KIAA1549: variants seen among roughly 807,000 people sequenced by gnomAD.
The protein encoded by KIAA1549 is UPF0606 protein KIAA1549.
In KIAA1549, 70 loss-of-function variants were observed where a neutral mutation model predicts 156.4. The ratio of observed to expected loss-of-function variants is 0.45; its 90% confidence interval spans 0.37 to 0.55. The LOEUF (loss-of-function observed/expected upper bound fraction) is 0.55, where lower values mean the gene tolerates loss of function less well. Among genes scored for constraint, KIAA1549 ranks in the 20% least tolerant of loss-of-function variants. The pLI, the probability that KIAA1549 is intolerant of heterozygous loss-of-function variation, is 0.00. For missense variants in KIAA1549, 2,428 were observed against 2,540.9 expected (o/e 0.96, Z 0.96); for synonymous variants, 1,103 against 1,066.4 (o/e 1.03, Z -0.67).
rs557851564 is a variant in KIAA1549 at position 138,837,944 on chromosome 7, A to C, written c.5815T>G (p.Ser1939Ala). 113 of 1,613,862 alleles carry C rather than the reference A, an allele frequency of 7.0e-5. 1 individual carries two copies. In the South Asian group the frequency reaches 1.2e-3, roughly 17 times the overall value. The change falls in exon 20 of 20, where the codon TCC (serine) becomes GCC (alanine). Residue 1939 changes from serine to alanine, a missense_variant. By Grantham distance (99) the Ser-to-Ala change is moderately conservative (BLOSUM62 1). This residue lies in a region of KIAA1549 where 363 missense variants were observed against 354.0 expected (regional missense o/e 1.03). Coordinates refer to ENST00000422774, the MANE Select transcript of KIAA1549 (RefSeq NM_001164665.2). ...KAIREELLRLSQKQSTVQNFH... is the reference protein window; with the variant it reads ...KAIREELLRLAQKQSTVQNFH... ...TTCTGCACGGTGCTCTGTTTCTGGGAGAGCCGGAGGAGCTCCTCGCGGATT... is the reference window on the plus strand; with the variant it reads ...TTCTGCACGGTGCTCTGTTTCTGGGCGAGCCGGAGGAGCTCCTCGCGGATT...
At chr7:138,948,718 G>A (rs1315494071) in intron 1 of KIAA1549, among the ~76,000 whole-genome samples, 1 of 144,708 alleles carries the variant, frequency 6.9e-6, no homozygotes, top group Non-Finnish European at 1.5e-5. Flanking sequence ...TTGAGATAGA[G>A]TTTCGCTCTC....
At chr7:138,869,130 G>C (rs1810844051) in intron 14 of KIAA1549, among the ~76,000 whole-genome samples, 2 of 152,236 alleles carry the variant, frequency 1.3e-5, no homozygotes, top group African/African-American at 2.4e-5. Context: ...GGCTCCGGGA[G>C]ATGAAAATAT....
intron 1 of KIAA1549, among the ~76,000 whole-genome samples, chr7:138,940,516 T>C (rs1269120898): frequency 6.6e-6 from 1 of 151,578 alleles, no homozygotes; most frequent in African/African-American, 2.4e-5. Context: ...TTATAATCCT[T>C]TGGGTATATA....
intron 4 of KIAA1549, among the ~76,000 whole-genome samples, chr7:138,910,725 A>C (rs946909204): frequency 6.0e-5 from 4 of 66,832 alleles, no homozygotes; most frequent in African/African-American, 3.4e-4. Flanking sequence ...TTTTTTGTAG[A>C]GACAGGGTTT....
intron 12 of KIAA1549, among the ~76,000 whole-genome samples, chr7:138,878,785 T>C (rs999332962): frequency 1.5e-5 from 2 of 130,050 alleles, no homozygotes; most frequent in Admixed American, 7.7e-5. Context: ...AATAATAATA[T>C]TCTGAGGCCT....
intron 10 of KIAA1549, among the ~76,000 whole-genome samples, chr7:138,885,696 T>G (rs1811370490): frequency 6.6e-6 from 1 of 152,222 alleles, no homozygotes; most frequent in South Asian, 2.1e-4. Flanking sequence ...ATAAACCTCT[T>G]TAAGATATTT....
chr7:138,915,429 G>A (rs184484460), intron 2 of KIAA1549, among the ~76,000 whole-genome samples: 126 of 152,084 alleles, frequency 8.3e-4, no homozygotes, highest in Non-Finnish European at 1.2e-3. Context: ...GTGGAATAAC[G>A]AATGTTTCCC....
At chr7:138,885,997 C>T (rs1282412074) in intron 10 of KIAA1549, among the ~76,000 whole-genome samples, 1 of 152,030 alleles carries the variant, frequency 6.6e-6, no homozygotes, top group Non-Finnish European at 1.5e-5. Flanking sequence ...CTGATAACTG[C>T]TGCTTGGTGT....
In KIAA1549 at chr7:138,919,277, T is replaced by C. The variant is rs1298800573; in HGVS notation, c.349A>G (p.Thr117Ala). 1 of 1,614,034 alleles carries C rather than the reference T, an allele frequency of 6.2e-7. No homozygotes were observed. The highest frequency in any genetic ancestry group is 1.3e-5 in the African/African-American group (1 of 75,060). Residue 117 changes from threonine to alanine, a missense_variant, in exon 2 of 20, where the codon ACT (threonine) becomes GCT (alanine). Around this residue, in one of 5 missense-constraint regions of KIAA1549, gnomAD observed 893 missense variants for 847.9 expected, o/e 1.05. Coordinates refer to ENST00000422774, the MANE Select transcript of KIAA1549 (RefSeq NM_001164665.2). ...LHVTAPPSAT[T>A]FDTAFFNQGK... ...TGGTTAAAAAAGGCTGTATCAAAAG[T>C]AGTGGCAGACGGCGGGGCTGTGACA...
chr7:138,839,156 T>C (rs927088444), intron 19 of KIAA1549, among the ~76,000 whole-genome samples: 1 of 152,230 alleles, frequency 6.6e-6, no homozygotes, highest in African/African-American at 2.4e-5. Context: ...AGCACCTTAT[T>C]CTAAAGTTAA....
chr7:138,896,594 GTTT>G (rs376537758), intron 9 of KIAA1549, among the ~76,000 whole-genome samples: 1 of 144,068 alleles, frequency 6.9e-6, no homozygotes, highest in African/African-American at 2.5e-5. Flanking sequence ...GGGTGTGGTT[GTTT>G]TTTTTTTTTC....
At chr7:138,976,317 T>C (rs1223573311) in intron 1 of KIAA1549, among the ~76,000 whole-genome samples, 1 of 152,136 alleles carries the variant, frequency 6.6e-6, no homozygotes, top group African/African-American at 2.4e-5. Flanking sequence ...CCTCAGGTGA[T>C]CCCAAAGTGT....
intron 18 of KIAA1549, among the ~76,000 whole-genome samples, chr7:138,842,761 T>A (rs1021279517): frequency 4.0e-5 from 6 of 151,872 alleles, no homozygotes; most frequent in Admixed American, 1.3e-4. Context: ...AGATGAAGCA[T>A]CAAACACATA....
intron 10 of KIAA1549, among the ~76,000 whole-genome samples, chr7:138,885,097 A>G (rs1456776954): frequency 1.3e-5 from 2 of 152,048 alleles, no homozygotes; most frequent in Admixed American, 6.5e-5. Context: ...CGGGAGGCTG[A>G]GGCAGGAGAA....
rs574683983 is a variant in KIAA1549, at chr7:138,832,094, C to T, written c.*5812G>A. On this transcript the variant is annotated 3_prime_UTR_variant, in exon 20 of 20. Transcript: ENST00000422774. ...TCTGGTAAGTACAGGAAAGACTATT[C>T]GTGATGCTCCAAGTAGCCCAGAAAG... is the stretch of plus-strand genomic sequence containing the variant. 1.1e-3 allele frequency: 253 copies of T among 225,414 alleles called. 10 individuals carry two copies. The South Asian group carries it at 0.045, about 40-fold the overall frequency. The allele number at this position is 225,414 out of a possible 1,614,324, so 14.0% of individuals were successfully genotyped here.
intron 8 of KIAA1549, among the ~76,000 whole-genome samples, chr7:138,903,058 T>A (rs1811887077): frequency 6.6e-6 from 1 of 152,168 alleles, no homozygotes; most frequent in Non-Finnish European, 1.5e-5. Flanking sequence ...GAGGCGATTT[T>A]GCTCAGAAAA....
At position 138,833,598 on chromosome 7, in the gene KIAA1549, T is replaced by C. The variant is rs1809606248; in HGVS notation, c.*4308A>G. On this transcript the variant is annotated 3_prime_UTR_variant, in exon 20 of 20. Coordinates refer to ENST00000422774, the MANE Select transcript of KIAA1549 (RefSeq NM_001164665.2). ...CCACCCAAATCAAAACACTATGAAA[T>C]TAATAAAATTTGGAGAAAAATGTGT... 1 of 232,214 alleles carries C rather than the reference T, an allele frequency of 4.3e-6. No homozygotes were observed. The highest frequency in any genetic ancestry group is 2.2e-5 in the African/African-American group (1 of 45,212). 14.4% of individuals were successfully genotyped at this position (232,214 alleles called of 1,614,324 possible).
intron 1 of KIAA1549, among the ~76,000 whole-genome samples, chr7:138,951,261 G>A (rs917308341): frequency 3.3e-5 from 5 of 152,032 alleles, no homozygotes; most frequent in South Asian, 2.1e-4. Flanking sequence ...CCTGAATCCC[G>A]GACAGGGCAT....
intron 1 of KIAA1549, among the ~76,000 whole-genome samples, chr7:138,933,422 G>T (rs540559331): frequency 4.8e-4 from 73 of 152,354 alleles, no homozygotes; most frequent in African/African-American, 1.7e-3. Flanking sequence ...AAAAGACTGA[G>T]GAACTGAGCA....
Sources: allele counts gnomAD v4.1 joint callset (sites outside exome capture counted in the v4.1 genomes callset), GRCh38; gene constraint gnomAD v4.1.1; regional missense constraint gnomAD v4.1.1; transcripts MANE v1.5; gene names NCBI Gene and HGNC (gene_info 2026-07-23, HGNC 2026-07-21).